The following ZRANB3 variants were observed in gnomAD, a reference collection of about 807,000 sequenced individuals.
ZRANB3 encodes zinc finger RANBP2-type containing 3.
ZRANB3 carries 125 observed loss-of-function variants against 133.8 expected under a neutral mutation model. The ratio of observed to expected loss-of-function variants is 0.93; its 90% confidence interval spans 0.81 to 1.08. The LOEUF (loss-of-function observed/expected upper bound fraction) is 1.08, where lower values mean the gene tolerates loss of function less well. Ranked by LOEUF, ZRANB3 falls within the 50% of genes least tolerant of loss-of-function variation. The pLI is 0.00. For synonymous variants in ZRANB3, 387 were observed against 432.7 expected (o/e 0.89, Z 1.31); for missense variants, 1,229 against 1,275.5 (o/e 0.96, Z 0.56).
At chr2:135,472,824 A>T (rs1691330272) in intron 2 of ZRANB3, among the ~76,000 whole-genome samples, 1 of 152,200 alleles carries the variant, frequency 6.6e-6, no homozygotes, top group Non-Finnish European at 1.5e-5. Flanking sequence ...AATTTGTATA[A>T]ATGAACCACT....
At chr2:135,305,548 C>T (rs11887993) in intron 8 of ZRANB3, among the ~76,000 whole-genome samples, 28,554 of 151,980 alleles carry the variant, frequency 0.19, 3,553 homozygotes, top group South Asian at 0.33. Context: ...ATTGTTTTAT[C>T]GTTGTTTTCT....
At chr2:135,528,655 A>G (rs1009992858) in intron 1 of ZRANB3, among the ~76,000 whole-genome samples, 2 of 152,216 alleles carry the variant, frequency 1.3e-5, no homozygotes, top group African/African-American at 2.4e-5. Context: ...AAATAAAAAA[A>G]AAAACTAAGC....
At chr2:135,298,444 A>G (rs1682266236) in intron 8 of ZRANB3, among the ~76,000 whole-genome samples, 1 of 152,116 alleles carries the variant, frequency 6.6e-6, no homozygotes, top group African/African-American at 2.4e-5. Context: ...TCATTTGGGT[A>G]GACCATGTCA....
chr2:135,501,059 A>G (rs565898817), intron 2 of ZRANB3, among the ~76,000 whole-genome samples: 117 of 152,292 alleles, frequency 7.7e-4, no homozygotes, highest in African/African-American at 2.6e-3. Context: ...CAATAATCCT[A>G]AACAGGATAA....
chr2:135,318,267 G>C (rs961445389), intron 6 of ZRANB3, among the ~76,000 whole-genome samples: 30 of 143,488 alleles, frequency 2.1e-4, no homozygotes, highest in African/African-American at 7.5e-4. Context: ...TGTATTGGGG[G>C]CAGCTACACA....
chr2:135,351,265 CTTTTTTTTTT>C (rs34205567), intron 4 of ZRANB3, among the ~76,000 whole-genome samples: 1 of 119,702 alleles, frequency 8.4e-6, no homozygotes, highest in East Asian at 2.3e-4. Context: ...CTATAATTTT[CTTTTTTTTTT>C]TTTTTTTTTT....
intron 2 of ZRANB3, among the ~76,000 whole-genome samples, chr2:135,409,115 G>C (rs902486534): frequency 6.6e-6 from 1 of 152,128 alleles, no homozygotes; most frequent in African/African-American, 2.4e-5. Context: ...TACAATCATA[G>C]TGGGAGGTGA....
At chr2:135,448,578 C>A (rs963828070) in intron 2 of ZRANB3, among the ~76,000 whole-genome samples, 1 of 152,128 alleles carries the variant, frequency 6.6e-6, no homozygotes, top group East Asian at 1.9e-4. Context: ...TCCATAAACA[C>A]ATATGAGTGG....
chr2:135,376,196 A>G (rs1366301717), intron 3 of ZRANB3, among the ~76,000 whole-genome samples: 7 of 152,196 alleles, frequency 4.6e-5, no homozygotes, highest in Non-Finnish European at 1.5e-5. Flanking sequence ...CCTCGGAAAC[A>G]TCAGAAGAAA....
At chr2:135,365,533 TATAAC>T (rs979151903) in intron 3 of ZRANB3, among the ~76,000 whole-genome samples, 5 of 152,162 alleles carry the variant, frequency 3.3e-5, no homozygotes, top group African/African-American at 9.7e-5. Context: ...ACAGTGAAAA[TATAAC>T]ATATTCTTAA....
chr2:135,247,355 C>T (rs1444102524), intron 12 of ZRANB3, among the ~76,000 whole-genome samples: 1 of 152,034 alleles, frequency 6.6e-6, no homozygotes, highest in Non-Finnish European at 1.5e-5. Flanking sequence ...AAAGAAATGA[C>T]TGGTTTTTTT....
chr2:135,379,232 G>A (rs1686576119), intron 3 of ZRANB3, among the ~76,000 whole-genome samples: 1 of 152,124 alleles, frequency 6.6e-6, no homozygotes. Flanking sequence ...GTTGGACTTA[G>A]AAACAAGGAA....
intron 2 of ZRANB3, among the ~76,000 whole-genome samples, chr2:135,425,529 T>C (rs575598098): frequency 1.3e-5 from 2 of 152,230 alleles, no homozygotes; most frequent in African/African-American, 4.8e-5. Context: ...TGTGAGTAGA[T>C]TTTTCCATAA....
Position 135,237,461 on chromosome 2 carries a change from C to A in ZRANB3, c.1540-6534G>T, listed in dbSNP as rs536763587. On this transcript the variant is annotated intron_variant, in intron 12 of 20. Coordinates refer to ENST00000264159, the MANE Select transcript of ZRANB3 (RefSeq NM_032143.4). The stretch of plus-strand genomic sequence containing the variant: ...ACTGGGTATATACCCAAAGGATTAT[C>A]AAACATGCTGCTATAAAGACACATG... Among the ~76,000 whole-genome samples the A allele has an allele frequency of 5.6e-3, 837 of 150,718 alleles. 6 individuals carry two copies. Among genetic ancestry groups the A allele is most frequent in the African/African-American group, 0.02 (782 of 40,068 alleles).
At chr2:135,231,577 C>A (rs1198659740) in intron 12 of ZRANB3, among the ~76,000 whole-genome samples, 2 of 152,018 alleles carry the variant, frequency 1.3e-5, no homozygotes, top group Non-Finnish European at 2.9e-5. Context: ...TTGGGCAACA[C>A]GGTGAAACCC....
chr2:135,228,873 AT>A (rs1268565672), intron 13 of ZRANB3, among the ~76,000 whole-genome samples: 2 of 152,148 alleles, frequency 1.3e-5, no homozygotes, highest in East Asian at 3.9e-4. Flanking sequence ...GGTAGTTTTT[AT>A]TTTTTTAAGT....
rs569408558 is a variant in ZRANB3, at chr2:135,385,011, AAG to A, written c.180+5789_180+5790del. 1.8e-4 allele frequency among the ~76,000 whole-genome samples: 28 copies of A among 152,354 alleles called. No homozygotes were observed. In the South Asian group the frequency reaches 5.8e-3, roughly 32 times the overall value. ...CTGGCCAGGGCAATAAGGCAGGAGAAAGAAATAAAGGGTATTGAAATAGGAAA... is the reference window on the plus strand; with the variant it reads ...CTGGCCAGGGCAATAAGGCAGGAGAAAAATAAAGGGTATTGAAATAGGAAA... On this transcript the variant is annotated intron_variant, in intron 3 of 20. Coordinates refer to ENST00000264159, the MANE Select transcript of ZRANB3 (RefSeq NM_032143.4).
chr2:135,432,263 A>G (rs1689355336), intron 2 of ZRANB3, among the ~76,000 whole-genome samples: 1 of 152,164 alleles, frequency 6.6e-6, no homozygotes, highest in Non-Finnish European at 1.5e-5. Flanking sequence ...AAATAATAAT[A>G]ATAATCCCAA....
chr2:135,430,605 T>C (rs144259670), intron 2 of ZRANB3, among the ~76,000 whole-genome samples: 35 of 152,282 alleles, frequency 2.3e-4, no homozygotes, highest in African/African-American at 8.2e-4. Context: ...AATTTACAGA[T>C]AGAAATATTT....
Sources: allele counts gnomAD v4.1 joint callset (sites outside exome capture counted in the v4.1 genomes callset), GRCh38; gene constraint gnomAD v4.1.1; transcripts MANE v1.5; gene names NCBI Gene and HGNC (gene_info 2026-07-23, HGNC 2026-07-21).